LCA5L: variants seen among roughly 807,000 people sequenced by gnomAD.
The protein encoded by LCA5L is lebercilin LCA5 like, also known as lebercilin-like protein.
Under a neutral mutation model 45.4 loss-of-function variants are expected in LCA5L, and 35 were observed. The ratio of observed to expected loss-of-function variants is 0.77; its 90% confidence interval spans 0.59 to 1.02. The LOEUF (loss-of-function observed/expected upper bound fraction) is 1.02, where lower values mean the gene tolerates loss of function less well. Among genes scored for constraint, LCA5L ranks in the 50% least tolerant of loss-of-function variants. LCA5L has a pLI of 0.00. For missense variants in LCA5L, 668 were observed against 761.6 expected (o/e 0.88, Z 1.45); for synonymous variants, 233 against 264.7 (o/e 0.88, Z 1.16).
chr21:39,410,276 A>G lies in LCA5L; in HGVS notation c.1152T>C (p.Pro384=), dbSNP rs1332812725. ...AAATTTGCTGTACCTTAGTTGTCAA[A>G]GGTGGAACATCTGATTTTTGGGTTC... ...HQGTQKSDVP[P]LTTKGKKATG... The change falls in exon 9 of 11, where the codon CCT becomes CCC. Residue 384 remains proline (P), a synonymous_variant. Coordinates refer to ENST00000288350, the MANE Select transcript of LCA5L (RefSeq NM_152505.4). 1 of 1,603,728 alleles carries G rather than the reference A, an allele frequency of 6.2e-7. No homozygotes were observed. Among genetic ancestry groups the G allele is most frequent in the Admixed American group, 1.7e-5 (1 of 58,708 alleles).
intron 7 of LCA5L, among the ~76,000 whole-genome samples, chr21:39,415,989 T>C (rs975592507): frequency 1.3e-5 from 2 of 152,216 alleles, no homozygotes; most frequent in African/African-American, 4.8e-5. Flanking sequence ...GTATCTCTTA[T>C]GTGATACTAG....
Position 39,406,553 on chromosome 21 carries a change from G to T in LCA5L, c.1342C>A (p.Gln448Lys). The change falls in exon 11 of 11, where the codon CAA becomes AAA. Residue 448 changes from glutamine to lysine, a missense_variant. Gln to Lys is a moderately conservative substitution (Grantham distance 53). Transcript: ENST00000288350. ...VQILLENTGR[Q>K]KDKKEDQEKK... is the part of the protein sequence containing the mutation. ...TCTTGGTCTTCTTTTTTGTCTTTTT[G>T]TCTTCCAGTATTCTCCAGCAGTATT... 1 of 1,610,014 alleles carries T rather than the reference G, an allele frequency of 6.2e-7. No homozygotes were observed. The highest frequency in any genetic ancestry group is 1.7e-5 in the Admixed American group (1 of 59,348).
At chr21:39,445,118 A>T (rs1233210677) in intron 1 of LCA5L, among the ~76,000 whole-genome samples, 1 of 152,188 alleles carries the variant, frequency 6.6e-6, no homozygotes, top group Non-Finnish European at 1.5e-5. Context: ...CTCTGAAAAA[A>T]GTTAACCGTT....
chr21:39,414,740 C>CTG (rs796818060), intron 7 of LCA5L, among the ~76,000 whole-genome samples: 1,573 of 104,062 alleles, frequency 0.015, 15 homozygotes, highest in Middle Eastern at 0.022. Flanking sequence ...CTCTCTCTCT[C>CTG]TCTGTGTGTG....
chr21:39,432,611 C>T (rs937246710), intron 3 of LCA5L, among the ~76,000 whole-genome samples: 3 of 152,152 alleles, frequency 2.0e-5, no homozygotes, highest in African/African-American at 7.2e-5. Flanking sequence ...AGACAGTGAA[C>T]ACAACCACAT....
intron 1 of LCA5L, 141 bp downstream of exon 1, chr21:39,445,584 G>A (rs1426652726): frequency 2.0e-5 from 3 of 152,952 alleles, no homozygotes; most frequent in Non-Finnish European, 2.9e-5. Flanking sequence ...GCGCCAGCGA[G>A]GCAGGCAGGG....
At chr21:39,410,973 T>C in intron 8 of LCA5L, 1 of 469,010 alleles carries the variant, frequency 2.1e-6, no homozygotes, top group South Asian at 1.6e-5. Flanking sequence ...GTCGAATCTG[T>C]TGCTGGGAGA....
intron 7 of LCA5L, among the ~76,000 whole-genome samples, chr21:39,417,283 G>A (rs997745292): frequency 5.3e-5 from 8 of 151,972 alleles, no homozygotes; most frequent in African/African-American, 1.2e-4. Flanking sequence ...CAGGTGATCC[G>A]CCCACCTTGG....
At chr21:39,445,151 G>T (rs1296427527) in intron 1 of LCA5L, among the ~76,000 whole-genome samples, 1 of 152,086 alleles carries the variant, frequency 6.6e-6, no homozygotes, top group African/African-American at 2.4e-5. Flanking sequence ...GCAACGAAAC[G>T]TTAACACGCT....
intron 6 of LCA5L, chr21:39,421,943 A>G (rs1194490941): frequency 2.0e-5 from 3 of 152,226 alleles, no homozygotes; most frequent in African/African-American, 7.2e-5. Flanking sequence ...AACAACTTAG[A>G]TACATACATG....
intron 7 of LCA5L, among the ~76,000 whole-genome samples, chr21:39,413,644 C>G (rs991235604): frequency 7.2e-5 from 11 of 152,130 alleles, no homozygotes; most frequent in African/African-American, 1.4e-4. Flanking sequence ...TCTCTCTTTT[C>G]TTATTGTGGT....
In LCA5L at chr21:39,419,030, C is replaced by A. The variant is rs114772476; in HGVS notation, c.975+1676G>T. 9.5e-3 allele frequency among the ~76,000 whole-genome samples: 1,447 copies of A among 152,114 alleles called. 29 individuals are homozygous for A. The highest frequency in any genetic ancestry group is 0.033 in the African/African-American group (1,378 of 41,480). ...TGGAACTCCACAGAAAAAAGGAACT[C>A]TTTTTTCTTCTTTACAAAGGGAAAA... On this transcript the variant is annotated intron_variant, in intron 7 of 10. Transcript: ENST00000288350.
At chr21:39,420,635 AATAGAC>A in intron 7 of LCA5L, 65 bp downstream of exon 7, 1 of 1,354,798 alleles carries the variant, frequency 7.4e-7, no homozygotes, top group East Asian at 2.3e-5. Flanking sequence ...TTAAAGATAT[AATAGAC>A]ATAAATAGCT....
At chr21:39,417,584 A>G (rs2041443176) in intron 7 of LCA5L, among the ~76,000 whole-genome samples, 1 of 152,128 alleles carries the variant, frequency 6.6e-6, no homozygotes, top group East Asian at 1.9e-4. Flanking sequence ...TGATAAAGAC[A>G]TAACTGAGTC....
At chr21:39,441,212 A>T (rs2076818533) in intron 2 of LCA5L, among the ~76,000 whole-genome samples, 1 of 152,136 alleles carries the variant, frequency 6.6e-6, no homozygotes, top group Non-Finnish European at 1.5e-5. Context: ...GCCACTCAGG[A>T]GGCTGAGCCC....
At chr21:39,417,774 ATT>A (rs960729340) in intron 7 of LCA5L, among the ~76,000 whole-genome samples, 2 of 150,644 alleles carry the variant, frequency 1.3e-5, no homozygotes, top group African/African-American at 4.9e-5. Context: ...TTAATTTTTA[ATT>A]TTTTTTTGAG....
At chr21:39,443,254 C>T (rs1042234104) in intron 2 of LCA5L, among the ~76,000 whole-genome samples, 2 of 152,132 alleles carry the variant, frequency 1.3e-5, no homozygotes, top group African/African-American at 4.8e-5. Flanking sequence ...TGGACAATAA[C>T]TGGAAACTGA....
chr21:39,414,902 T>G (rs78367934), intron 7 of LCA5L, among the ~76,000 whole-genome samples: 35,037 of 151,922 alleles, frequency 0.23, 4,387 homozygotes, highest in African/African-American at 0.33. Flanking sequence ...TCCTTTCTGG[T>G]ATTCTGGATT....
rs528956325 is a variant in LCA5L at position 39,416,599 on chromosome 21, A to G, written c.975+4107T>C. ...CCTGGTTACTCTGAGAATATTGCAT[A>G]CTTTCACTTCAGATCAAAATCAGGA... On this transcript the variant is annotated intron_variant, in intron 7 of 10. Coordinates refer to ENST00000288350, the MANE Select transcript of LCA5L (RefSeq NM_152505.4). Among the ~76,000 whole-genome samples the G allele has an allele frequency of 1.2e-4, 19 of 152,132 alleles. 1 individual carries two copies. The South Asian group carries it at 3.3e-3, about 27-fold the overall frequency.
Sources: allele counts gnomAD v4.1 joint callset (sites outside exome capture counted in the v4.1 genomes callset), GRCh38; gene constraint gnomAD v4.1.1; transcripts MANE v1.5; gene names NCBI Gene and HGNC (gene_info 2026-07-23, HGNC 2026-07-21).